The following KTN1 variants were observed in gnomAD, a reference collection of about 807,000 sequenced individuals.
KTN1 encodes the protein kinectin 1, also known as kinectin.
In KTN1, 130 loss-of-function variants were observed where a neutral mutation model predicts 222.5. The observed-to-expected ratio is 0.58, with a 90% CI of 0.51 to 0.68. The LOEUF is 0.68. KTN1 is among the 30% of genes least tolerant of loss of function. The pLI is 0.00. For synonymous variants in KTN1, 512 were observed against 496.3 expected, an observed-to-expected ratio of 1.03 and a Z score of -0.42; for missense variants, 1,508 against 1,500.4, an observed-to-expected ratio of 1.01 and a Z score of -0.08.
chr14:55,583,473 T>A (rs2032210169), intron 1 of KTN1, among the ~76,000 whole-genome samples: 1 of 152,194 alleles, frequency 6.6e-6, no homozygotes, highest in African/African-American at 2.4e-5. Context: ...TACAGGGAGA[T>A]TAAGAACTCT....
At chr14:55,615,058 A>C (rs1003875435) in intron 2 of KTN1, among the ~76,000 whole-genome samples, 1 of 152,220 alleles carries the variant, frequency 6.6e-6, no homozygotes, top group Non-Finnish European at 1.5e-5. Flanking sequence ...TTGAAGCCCC[A>C]ACCCTGAGAA....
At position 55,672,950 on chromosome 14, in the gene KTN1, T is replaced by C. The variant is rs376269940; in HGVS notation, c.3625T>C (p.Leu1209=). 7.9e-5 allele frequency: 128 copies of C among 1,613,192 alleles called. No individual in the cohort carries two copies. Among genetic ancestry groups the C allele is most frequent in the Non-Finnish European group, 1.0e-4 (121 of 1,179,394 alleles). ...IENLRREREH[L]EMELEKAEME... Reference sequence around the variant, plus strand: ...CTAGCTGAGAAGAGAACGAGAACATTTGGAAATGGAACTAGAAAAGGCAGA... The same window carrying C: ...CTAGCTGAGAAGAGAACGAGAACATCTGGAAATGGAACTAGAAAAGGCAGA... The change falls in exon 39 of 44, where the codon TTG becomes CTG. Residue 1209 remains leucine, a synonymous_variant. Coordinates refer to ENST00000395314, the MANE Select transcript of KTN1 (RefSeq NM_001079521.2).
chr14:55,612,791 G>A (rs1197477180), intron 2 of KTN1, among the ~76,000 whole-genome samples: 1 of 152,002 alleles, frequency 6.6e-6, no homozygotes, highest in East Asian at 1.9e-4. Context: ...AGTGGCTCAT[G>A]CCTGTAATCC....
Position 55,630,073 on chromosome 14 carries a change from A to G in KTN1, c.1197A>G (p.Gln399=). The part of the protein sequence containing the change: ...VFQNKIHVSY[Q]ETQQMQMKFQ... ...AAAACAAAATACATGTCAGTTATCA[A>G]GAGACTCAACAGATGCAGATGAAGG... The change falls in exon 7 of 44, where the codon CAA becomes CAG. Residue 399 remains glutamine (Q), a synonymous_variant. Coordinates refer to ENST00000395314, the MANE Select transcript of KTN1 (RefSeq NM_001079521.2). 4 of 1,610,936 alleles carry G rather than the reference A, an allele frequency of 2.5e-6. No individual in the cohort carries two copies. Among genetic ancestry groups the G allele is most frequent in the Non-Finnish European group, 3.4e-6 (4 of 1,177,548 alleles).
chr14:55,592,831 A>G (rs2034373043), intron 1 of KTN1, among the ~76,000 whole-genome samples: 1 of 152,212 alleles, frequency 6.6e-6, no homozygotes, highest in Admixed American at 6.5e-5. Context: ...TACAGCTTGT[A>G]CTTAGAGTAT....
At chr14:55,682,236 T>C (rs895950910) in intron 43 of KTN1, 1 of 152,140 alleles carries the variant, frequency 6.6e-6, no homozygotes. Context: ...GTGAAAACTT[T>C]TCTTTTGGAA....
At chr14:55,677,683 T>A (rs1275349497) in intron 41 of KTN1, among the ~76,000 whole-genome samples, 2 of 152,110 alleles carry the variant, frequency 1.3e-5, no homozygotes, top group Non-Finnish European at 2.9e-5. Flanking sequence ...GTCTCCTTTT[T>A]AACATAACCC....
In KTN1 at chr14:55,648,035, A is replaced by G; in HGVS notation, c.2218A>G (p.Lys740Glu). 4 of 1,480,396 alleles carry G rather than the reference A, an allele frequency of 2.7e-6. No homozygotes were observed. In the South Asian group the frequency reaches 5.6e-5, roughly 21 times the overall value. 91.7% of individuals were successfully genotyped at this position (1,480,396 alleles called of 1,614,324 possible). Residue 740 changes from lysine (K) to glutamate (E), a missense_variant, in exon 20 of 44, where the codon AAA (lysine) becomes GAA (glutamate). Transcript: ENST00000395314. ...AATTTATAATTTCAGCATTCAAGAA[A>G]AAGATGAGAAGTTAAAGACTGTGGA... is the stretch of plus-strand genomic sequence containing the variant. ...VEQMEKCIQE[K>E]DEKLKTVEEL...
At chr14:55,593,446 C>CCAAAA (rs1555357160) in intron 1 of KTN1, among the ~76,000 whole-genome samples, 3 of 120,582 alleles carry the variant, frequency 2.5e-5, no homozygotes, top group African/African-American at 9.5e-5. Context: ...ACCCCCCCCC[C>CCAAAA]AAAAAAAAAA....
At chr14:55,631,230 C>A (rs2040469573) in intron 7 of KTN1, among the ~76,000 whole-genome samples, 2 of 150,880 alleles carry the variant, frequency 1.3e-5, no homozygotes, top group Admixed American at 6.6e-5. Context: ...CTTTCTTGAC[C>A]AGTGACTTTT....
chr14:55,658,461 G>A (rs2043746410), intron 29 of KTN1, 85 bp from the exon 30 acceptor site: 3 of 795,248 alleles, frequency 3.8e-6, no homozygotes, highest in Non-Finnish European at 4.3e-6. Flanking sequence ...TTTCTAGCTT[G>A]TATGATCTGT....
intron 1 of KTN1, among the ~76,000 whole-genome samples, chr14:55,591,757 G>T (rs2034190025): frequency 6.6e-6 from 1 of 151,836 alleles, no homozygotes; most frequent in African/African-American, 2.4e-5. Flanking sequence ...TGTATTTTTA[G>T]TAGAGATAGG....
chr14:55,640,554 T>C, intron 15 of KTN1, 112 bp downstream of exon 15: 2 of 716,884 alleles, frequency 2.8e-6, no homozygotes, highest in Non-Finnish European at 2.3e-6. Flanking sequence ...ATATAATGGT[T>C]TATCATCTTT....
At chr14:55,629,933 T>A (rs780538961) in intron 6 of KTN1, 24 bp from the exon 7 acceptor site, 7 of 1,499,618 alleles carry the variant, frequency 4.7e-6, no homozygotes, top group Non-Finnish European at 6.5e-6. Flanking sequence ...AACAAGTTTT[T>A]AAATTTCTGG....
In KTN1 at chr14:55,672,717, G is replaced by A; in HGVS notation, c.3603+16G>A. ...TATTGAAAATGTATGTTATTTGATT[G>A]TTTTACTTGTAACCTATGGATTTGT... On this transcript the variant is annotated intron_variant, in intron 38 of 43. Coordinates refer to ENST00000395314, the MANE Select transcript of KTN1 (RefSeq NM_001079521.2). 1 of 1,500,660 alleles carries A rather than the reference G, an allele frequency of 6.7e-7. No homozygotes were observed. 93.0% of individuals were successfully genotyped at this position (1,500,660 alleles called of 1,614,324 possible).
At chr14:55,618,996 A>G (rs2140746587) in intron 4 of KTN1, among the ~76,000 whole-genome samples, 186 bp from the exon 5 acceptor site, 1 of 152,340 alleles carries the variant, frequency 6.6e-6, no homozygotes, top group African/African-American at 2.4e-5. Flanking sequence ...ATTCCGTATT[A>G]TAGATGATAA....
intron 9 of KTN1, 115 bp from the exon 10 acceptor site, chr14:55,636,334 A>G (rs2041121385): frequency 2.9e-6 from 2 of 694,142 alleles, no homozygotes; most frequent in Non-Finnish European, 4.9e-6. Flanking sequence ...ACTAGTTGCA[A>G]TAAGCAGTTT....
At chr14:55,653,674 T>A in intron 28 of KTN1, 78 bp downstream of exon 28, 1 of 1,037,566 alleles carries the variant, frequency 9.6e-7, no homozygotes, top group Non-Finnish European at 1.5e-6. Flanking sequence ...AATATAATGA[T>A]GAGTTTCCTG....
Position 55,658,607 on chromosome 14 carries a change from A to C in KTN1, c.2954A>C (p.Tyr985Ser). ...ATTGAGCAGCTTAAACAACAAAACT[A>C]CCAACAGGTAGGTATTATTAGATGT... ...SQIEQLKQQNYQQASSFPPHE... is the reference protein window; with the variant it reads ...SQIEQLKQQNSQQASSFPPHE... Residue 985 changes from tyrosine to serine, a missense_variant, in exon 30 of 44, where the codon TAC (tyrosine) becomes TCC (serine). Coordinates refer to ENST00000395314, the MANE Select transcript of KTN1 (RefSeq NM_001079521.2). 6.2e-7 allele frequency: 1 copy of C among 1,601,512 alleles called. No homozygotes were observed. The highest frequency in any genetic ancestry group is 8.5e-7 in the Non-Finnish European group (1 of 1,170,212).
Sources: gnomAD v4.1 joint callset for allele counts (sites outside exome capture counted in the v4.1 genomes callset) on GRCh38, gnomAD v4.1.1 for gene constraint, MANE v1.5 for transcripts, NCBI Gene and HGNC (gene_info 2026-07-23, HGNC 2026-07-21) for gene names.